AQP7: variants seen among roughly 807,000 people sequenced by gnomAD.
AQP7 encodes the protein aquaporin 7.
A neutral mutation model predicts 26.1 loss-of-function variants in AQP7; 22 were observed. The ratio of observed to expected loss-of-function variants is 0.84; its 90% CI spans 0.60 to 1.20. The LOEUF (loss-of-function observed/expected upper bound fraction) is 1.20, where lower values mean the gene tolerates loss of function less well. Ranked by LOEUF, AQP7 falls within the 50% of genes most tolerant of loss-of-function variation. The pLI, the probability that AQP7 is intolerant of heterozygous loss-of-function variation, is 0.00. For synonymous variants in AQP7, 167 were observed against 181.7 expected (o/e 0.92, Z 0.65); for missense variants, 412 against 457.5 (o/e 0.90, Z 0.91).
intron 2 of AQP7, among the ~76,000 whole-genome samples, chr9:33,398,608 G>A (rs4879696): frequency 0.11 from 16,753 of 152,246 alleles, 966 homozygotes; most frequent in Middle Eastern, 0.19. Flanking sequence ...GCTAGGGCAG[G>A]TCCTGACTAG....
rs1824557019 is a variant in AQP7, at chr9:33,384,396, T to A, written c.*609A>T. ...AAAAGGGGAGGTGAAAAAAAAATCT[T>A]ACTCTTTTTTATGTATAAAGCACAG... On this transcript the variant is annotated 3_prime_UTR_variant, in exon 8 of 8. Transcript: ENST00000297988. 6.6e-6 allele frequency: 1 copy of A among 152,114 alleles called. No homozygotes were observed. 9.4% of individuals were successfully genotyped at this position (152,114 alleles called of 1,614,324 possible).
At chr9:33,392,817 G>A (rs532063746) in intron 3 of AQP7, among the ~76,000 whole-genome samples, 11 of 152,302 alleles carry the variant, frequency 7.2e-5, no homozygotes, top group East Asian at 1.9e-4. Flanking sequence ...TAGAGCACCC[G>A]TCCTAATAAC....
In AQP7 at chr9:33,384,412, T is replaced by C. The variant is rs1215283991; in HGVS notation, c.*593A>G. ...AAAAAATCTTACTCTTTTTTATGTA[T>C]AAAGCACAGAACATATACAGAACAT... On this transcript the variant is annotated 3_prime_UTR_variant, in exon 8 of 8. Coordinates refer to ENST00000297988, the MANE Select transcript of AQP7 (RefSeq NM_001170.3). The C allele has an allele frequency of 6.6e-6, 1 of 151,808 alleles. No individual in the cohort carries two copies. The highest frequency in any genetic ancestry group is 1.5e-5 in the Non-Finnish European group (1 of 68,020). The allele number at this position is 151,808 out of a possible 1,614,324, so 9.4% of individuals were successfully genotyped here.
intron 7 of AQP7, 126 bp downstream of exon 7, chr9:33,385,523 G>C: frequency 8.1e-7 from 1 of 1,229,314 alleles, no homozygotes; most frequent in Non-Finnish European, 1.2e-6. Context: ...ACTCACTCCT[G>C]CTCCCCAGGC....
At chr9:33,399,331 A>G (rs967014002) in intron 2 of AQP7, among the ~76,000 whole-genome samples, 4 of 152,182 alleles carry the variant, frequency 2.6e-5, no homozygotes, top group African/African-American at 9.7e-5. Context: ...ATGGTGACTC[A>G]TGCCTGTAAT....
At chr9:33,385,973 T>A in intron 6 of AQP7, 104 bp downstream of exon 6, 2 of 1,568,398 alleles carry the variant, frequency 1.3e-6, no homozygotes, top group Non-Finnish European at 1.7e-6. Context: ...CTCGGTACAG[T>A]CTCCATCCAG....
chr9:33,384,070 C>A lies in AQP7; in HGVS notation c.*935G>T, dbSNP rs1169377742. 1 of 152,282 alleles carries A rather than the reference C, an allele frequency of 6.6e-6. No individual in the cohort carries two copies. Among genetic ancestry groups the A allele is most frequent in the African/African-American group, 2.4e-5 (1 of 41,454 alleles). The allele number at this position is 152,282 out of a possible 1,614,324, so 9.4% of individuals were successfully genotyped here. ...CAAAATGCATGAGCAAGGACAGGAA[C>A]CATGGGTGATGCTGCCTTCTGAGCC... On this transcript the variant is annotated 3_prime_UTR_variant, in exon 8 of 8. Coordinates refer to ENST00000297988, the MANE Select transcript of AQP7 (RefSeq NM_001170.3).
chr9:33,386,991 C>G lies in AQP7; in HGVS notation c.246G>C (p.Val82=), dbSNP rs77244521. 1 of 1,612,000 alleles carries G rather than the reference C, an allele frequency of 6.2e-7. No individual in the cohort carries two copies. Among genetic ancestry groups the G allele is most frequent in the Non-Finnish European group, 8.5e-7 (1 of 1,179,818 alleles). The change falls in exon 4 of 8, where the codon GTG becomes GTC. Residue 82 remains valine, a synonymous_variant. Transcript: ENST00000297988. ...LGFGFGVTMG[V]HVAGRISGAH... ...CACCAGAGATGCGGCCTGCCACGTG[C>G]ACTCCCATGGTGACTCCGAAGCCAA...
At chr9:33,393,043 C>T (rs952992358) in intron 3 of AQP7, among the ~76,000 whole-genome samples, 5 of 152,314 alleles carry the variant, frequency 3.3e-5, no homozygotes, top group Non-Finnish European at 7.3e-5. Flanking sequence ...GCCTGGCCAA[C>T]ATGGTGAAAC....
intron 3 of AQP7, among the ~76,000 whole-genome samples, chr9:33,389,743 G>A (rs972069132): frequency 6.6e-6 from 1 of 152,164 alleles, no homozygotes; most frequent in Non-Finnish European, 1.5e-5. Flanking sequence ...TACAGGGTAA[G>A]AAGGCAGACC....
In AQP7 at chr9:33,384,422, A is replaced by C. The variant is rs2118757962; in HGVS notation, c.*583T>G. The C allele has an allele frequency of 2.6e-5, 4 of 152,368 alleles. 1 individual carries two copies. In the South Asian group the frequency reaches 8.3e-4, roughly 32 times the overall value. 9.4% of individuals were successfully genotyped at this position (152,368 alleles called of 1,614,324 possible). A position where few individuals can be genotyped will look rare whatever the true frequency, so the allele number is the denominator to read the frequency against. On this transcript the variant is annotated 3_prime_UTR_variant, in exon 8 of 8. Transcript: ENST00000297988. ...ACTCTTTTTTATGTATAAAGCACAG[A>C]ACATATACAGAACATAAACAGATAT...
At chr9:33,395,690 G>A (rs1825799751) in intron 2 of AQP7, among the ~76,000 whole-genome samples, 1 of 152,224 alleles carries the variant, frequency 6.6e-6, no homozygotes, top group Non-Finnish European at 1.5e-5. Flanking sequence ...CTGCTGCCGA[G>A]CTCTATAAAC....
chr9:33,387,559 C>T (rs1400069035), intron 3 of AQP7, among the ~76,000 whole-genome samples: 1 of 152,136 alleles, frequency 6.6e-6, no homozygotes, highest in Non-Finnish European at 1.5e-5. Flanking sequence ...CACTCCACCG[C>T]AATTCCCACA....
At chr9:33,390,911 A>G (rs1587116404) in intron 3 of AQP7, among the ~76,000 whole-genome samples, 3 of 152,188 alleles carry the variant, frequency 2.0e-5, no homozygotes, top group Admixed American at 2.0e-4. Context: ...GGAGTTCGAG[A>G]CCTGCCTGGC....
intron 3 of AQP7, among the ~76,000 whole-genome samples, chr9:33,390,748 C>T (rs933934559): frequency 9.2e-5 from 14 of 152,182 alleles, no homozygotes; most frequent in Admixed American, 4.6e-4. Context: ...CTGGAGCAGG[C>T]ATGGAGGGTC....
intron 3 of AQP7, among the ~76,000 whole-genome samples, chr9:33,394,647 G>A (rs1168268852): frequency 4.6e-5 from 7 of 151,952 alleles, no homozygotes; most frequent in Admixed American, 1.3e-4. Context: ...ACAGGCGTCC[G>A]CCACCATGCC....
rs199871527 is a variant in AQP7, at chr9:33,385,042, G to A, written c.992C>T (p.Pro331Leu). 32 of 1,611,742 alleles carry A rather than the reference G, an allele frequency of 2.0e-5. No homozygotes were observed. Among genetic ancestry groups the A allele is most frequent in the Admixed American group, 3.3e-5 (2 of 59,994 alleles). ...PANRSSVHPA[P>L]PLHESMALEH... is the part of the protein sequence containing the mutation. ...TAGGGCCATGGATTCATGTAAGGGT[G>A]GGGCAGGGTGGACTGAAGATCTGTT... The change falls in exon 8 of 8, where the codon CCA becomes CTA. Residue 331 changes from proline to leucine, a missense_variant. Pro to Leu is a moderately conservative substitution (Grantham distance 98). Coordinates refer to ENST00000297988, the MANE Select transcript of AQP7 (RefSeq NM_001170.3).
intron 3 of AQP7, among the ~76,000 whole-genome samples, chr9:33,390,564 GCA>G (rs1491286982): frequency 6.6e-6 from 1 of 152,142 alleles, no homozygotes; most frequent in Non-Finnish European, 1.5e-5. Flanking sequence ...AGGCAGCTGA[GCA>G]GGGCCCACTG....
Position 33,385,075 on chromosome 9 carries a change from C to T in AQP7, c.959G>A (p.Ser320Asn), listed in dbSNP as rs1824609794. The stretch of plus-strand genomic sequence containing the variant: ...GTGGACTGAAGATCTGTTGGCAGGG[C>T]TCACAGAGACGGGGGTGAGGGGAGA... ...TISPLTPVSVSPANRSSVHPA... is the reference protein window; with the variant it reads ...TISPLTPVSVNPANRSSVHPA... Residue 320 changes from serine (S) to asparagine (N), a missense_variant, in exon 8 of 8, where the codon AGC (serine) becomes AAC (asparagine). Ser to Asn is a conservative substitution (Grantham distance 46). Transcript: ENST00000297988. 1 of 1,611,844 alleles carries T rather than the reference C, an allele frequency of 6.2e-7. No individual in the cohort carries two copies. The highest frequency in any genetic ancestry group is 8.5e-7 in the Non-Finnish European group (1 of 1,179,854).
Sources: gnomAD v4.1 joint callset for allele counts (sites outside exome capture counted in the v4.1 genomes callset) on GRCh38, gnomAD v4.1.1 for gene constraint, MANE v1.5 for transcripts, NCBI Gene and HGNC (gene_info 2026-07-23, HGNC 2026-07-21) for gene names.